The following TTBK2 variants were observed in gnomAD, a reference collection of about 807,000 sequenced individuals.
TTBK2 encodes the protein tau tubulin kinase 2, also known as tau-tubulin kinase 2.
TTBK2 carries 28 observed loss-of-function variants against 110.8 expected under a neutral mutation model. The observed-to-expected ratio is 0.25, with a 90% CI of 0.19 to 0.35. The LOEUF is 0.35. TTBK2 is among the 10% of genes least tolerant of loss of function. The probability of loss-of-function intolerance (pLI) is 1.00; values close to 1 mark genes in which losing one functional copy is unlikely to be tolerated. For missense variants in TTBK2, 1,369 were observed against 1,500.3 expected, an observed-to-expected ratio of 0.91 and a Z score of 1.45; for synonymous variants, 532 against 527.3, an observed-to-expected ratio of 1.01 and a Z score of -0.12.
intron 1 of TTBK2, among the ~76,000 whole-genome samples, chr15:42,891,628 A>G (rs1895460318): frequency 6.6e-6 from 1 of 152,198 alleles, no homozygotes; most frequent in African/African-American, 2.4e-5. Flanking sequence ...CTCCACAAGT[A>G]GAGAAGCTCC....
At chr15:42,776,070 C>A (rs1889907581) in intron 12 of TTBK2, among the ~76,000 whole-genome samples, 1 of 152,268 alleles carries the variant, frequency 6.6e-6, no homozygotes, top group African/African-American at 2.4e-5. Context: ...TCCTTTCGAT[C>A]GTGTGAGCGT....
chr15:42,890,530 G>C (rs546805313), intron 1 of TTBK2, among the ~76,000 whole-genome samples: 4 of 152,150 alleles, frequency 2.6e-5, no homozygotes, highest in Non-Finnish European at 4.4e-5. Flanking sequence ...TGAGTTCTGA[G>C]AGCCATTCTA....
Position 42,811,673 on chromosome 15 carries a change from C to T in TTBK2, c.696+15G>A. 1 of 1,608,894 alleles carries T rather than the reference C, an allele frequency of 6.2e-7. No individual in the cohort carries two copies. The highest frequency in any genetic ancestry group is 8.5e-7 in the Non-Finnish European group (1 of 1,175,684). ...TTTCTTCTACCACAATTGACATCTCCATTCCCAAAATTACCTTGTCCTTTA... is the reference window on the plus strand; with the variant it reads ...TTTCTTCTACCACAATTGACATCTCTATTCCCAAAATTACCTTGTCCTTTA... On this transcript the variant is annotated intron_variant, in intron 8 of 14. Transcript: ENST00000267890.
intron 10 of TTBK2, among the ~76,000 whole-genome samples, chr15:42,784,802 A>G (rs1391230238): frequency 6.6e-6 from 1 of 152,138 alleles, no homozygotes; most frequent in Non-Finnish European, 1.5e-5. Context: ...AAGAAAGTTC[A>G]TTGGCATCAG....
chr15:42,870,250 T>C (rs1287738700), intron 3 of TTBK2, among the ~76,000 whole-genome samples: 2 of 152,056 alleles, frequency 1.3e-5, no homozygotes, highest in Non-Finnish European at 2.9e-5. Context: ...ACATCCAGAA[T>C]ATTTCTGAAA....
chr15:42,905,028 T>C (rs2030298738), intron 1 of TTBK2, among the ~76,000 whole-genome samples: 1 of 152,048 alleles, frequency 6.6e-6, no homozygotes, highest in African/African-American at 2.4e-5. Context: ...CATGCCACCA[T>C]GCCCGCCTAA....
rs534341502 is a variant in TTBK2, at chr15:42,784,382, A to C, written c.981-747T>G. Among the ~76,000 whole-genome samples, 11 of 152,046 alleles carry C rather than the reference A, an allele frequency of 7.2e-5. 1 individual carries two copies. The South Asian group carries it at 2.3e-3, about 32-fold the overall frequency. ...AACCTCCACCTCTCGGATTCAAGCG[A>C]TTCTCCTGCCTCAGCCTCCTGAGTA... On this transcript the variant is annotated intron_variant, in intron 10 of 14. Transcript: ENST00000267890.
chr15:42,836,155 G>GA (rs888138929), intron 4 of TTBK2, among the ~76,000 whole-genome samples: 79 of 147,540 alleles, frequency 5.4e-4, no homozygotes, highest in African/African-American at 1.3e-3. Context: ...GGGGAATTCA[G>GA]AAAAAAAAAA....
chr15:42,803,899 C>T (rs968471422), intron 9 of TTBK2, among the ~76,000 whole-genome samples: 1 of 149,748 alleles, frequency 6.7e-6, no homozygotes, highest in Non-Finnish European at 1.5e-5. Flanking sequence ...TGGTGGTGCA[C>T]ACCTGTGGTC....
At chr15:42,824,758 T>C (rs1892456335) in intron 6 of TTBK2, among the ~76,000 whole-genome samples, 1 of 152,036 alleles carries the variant, frequency 6.6e-6, no homozygotes, top group Non-Finnish European at 1.5e-5. Flanking sequence ...AAAAAATAAC[T>C]ATTGGGTACT....
chr15:42,747,770 T>G (rs994430583), intron 14 of TTBK2, among the ~76,000 whole-genome samples: 1 of 152,216 alleles, frequency 6.6e-6, no homozygotes, highest in Middle Eastern at 3.4e-3. Context: ...ATAATAAAAC[T>G]ATGGTAATGG....
chr15:42,821,697 G>GT (rs34360812), intron 6 of TTBK2, among the ~76,000 whole-genome samples: 108 of 137,290 alleles, frequency 7.9e-4, no homozygotes, highest in South Asian at 1.4e-3. Flanking sequence ...TTTTTTTTTT[G>GT]TTTTTTTTTT....
chr15:42,874,196 G>A (rs899972230), intron 2 of TTBK2, among the ~76,000 whole-genome samples: 2 of 152,088 alleles, frequency 1.3e-5, no homozygotes, highest in African/African-American at 4.8e-5. Flanking sequence ...ATGGCCATTT[G>A]TTCTATTCTA....
At chr15:42,747,722 C>A (rs913239942) in intron 14 of TTBK2, among the ~76,000 whole-genome samples, 1 of 152,048 alleles carries the variant, frequency 6.6e-6, no homozygotes, top group African/African-American at 2.4e-5. Flanking sequence ...AGTGGCAATG[C>A]CAAATTACGT....
intron 13 of TTBK2, among the ~76,000 whole-genome samples, chr15:42,760,836 A>G (rs1002053904): frequency 6.6e-6 from 1 of 152,200 alleles, no homozygotes. Flanking sequence ...AGAAATAGAA[A>G]AACAATCCGA....
At chr15:42,876,374 T>C (rs1894820169) in intron 2 of TTBK2, among the ~76,000 whole-genome samples, 1 of 152,174 alleles carries the variant, frequency 6.6e-6, no homozygotes, top group South Asian at 2.1e-4. Flanking sequence ...TGTCACCTTT[T>C]GATATGTCCA....
chr15:42,855,066 A>G (rs939589673), intron 3 of TTBK2: 1 of 152,202 alleles, frequency 6.6e-6, no homozygotes, highest in Non-Finnish European at 1.5e-5. Context: ...TTTAAAAGAA[A>G]ATACAAATTT....
At chr15:42,831,085 G>C (rs1438221998) in intron 4 of TTBK2, among the ~76,000 whole-genome samples, 1 of 151,082 alleles carries the variant, frequency 6.6e-6, no homozygotes, top group Admixed American at 6.6e-5. Context: ...ACATACAAAG[G>C]GCACTAATTC....
intron 13 of TTBK2, among the ~76,000 whole-genome samples, chr15:42,756,013 T>G (rs2061940609): frequency 6.6e-6 from 1 of 152,022 alleles, no homozygotes; most frequent in African/African-American, 2.4e-5. Context: ...CTGGCCAACA[T>G]GGTGAAACCC....
Sources: gnomAD v4.1 joint callset for allele counts (sites outside exome capture counted in the v4.1 genomes callset) on GRCh38, gnomAD v4.1.1 for gene constraint, MANE v1.5 for transcripts, NCBI Gene and HGNC (gene_info 2026-07-23, HGNC 2026-07-21) for gene names.